The following ZPBP variants were observed in gnomAD, a reference collection of about 807,000 sequenced individuals.
ZPBP encodes zona pellucida binding protein.
Under a neutral mutation model 44.8 loss-of-function variants are expected in ZPBP, and 26 were observed. The observed-to-expected ratio is 0.58, with a 90% CI of 0.43 to 0.81. ZPBP has a LOEUF of 0.81. ZPBP is among the 30% of genes least tolerant of loss of function. ZPBP has a pLI of 0.00. For synonymous variants in ZPBP, 174 were observed against 153.2 expected, an observed-to-expected ratio of 1.14 and a Z score of -1.00; for missense variants, 409 against 434.0, an observed-to-expected ratio of 0.94 and a Z score of 0.51.
At chr7:50,019,364 T>C (rs1388597316) in intron 5 of ZPBP, among the ~76,000 whole-genome samples, 2 of 152,136 alleles carry the variant, frequency 1.3e-5, no homozygotes, top group Non-Finnish European at 2.9e-5. Context: ...ACACCAATAA[T>C]TTTTCATGGG....
intron 2 of ZPBP, among the ~76,000 whole-genome samples, chr7:49,888,063 G>A (rs1791973767): frequency 6.6e-6 from 1 of 152,196 alleles, no homozygotes; most frequent in Admixed American, 6.5e-5. Flanking sequence ...AATTGATCAT[G>A]TACATCTCTG....
At chr7:49,952,266 T>C (rs1308531753) in intron 7 of ZPBP, among the ~76,000 whole-genome samples, 1 of 151,962 alleles carries the variant, frequency 6.6e-6, no homozygotes, top group African/African-American at 2.4e-5. Flanking sequence ...GTTTGATCTG[T>C]GGACCAATAT....
intron 1 of ZPBP, among the ~76,000 whole-genome samples, chr7:49,911,480 CAAAAA>C (rs34782644): frequency 2.8e-5 from 2 of 71,630 alleles, no homozygotes; most frequent in Non-Finnish European, 4.9e-5. Flanking sequence ...GACTCTGTCT[CAAAAA>C]AAAAAAAAAA....
chr7:50,086,997 A>T (rs914471504), intron 2 of ZPBP, among the ~76,000 whole-genome samples: 1 of 152,094 alleles, frequency 6.6e-6, no homozygotes, highest in African/African-American at 2.4e-5. Context: ...TCTCATAAAA[A>T]GTCATAATGA....
At chr7:49,875,997 A>G in intron 2 of ZPBP, among the ~76,000 whole-genome samples, 1 of 152,142 alleles carries the variant, frequency 6.6e-6, no homozygotes, top group East Asian at 1.9e-4. Flanking sequence ...CTTATTCTGT[A>G]CTGTGAATAT....
intron 4 of ZPBP, among the ~76,000 whole-genome samples, chr7:50,057,615 T>C (rs1445194881): frequency 6.6e-6 from 1 of 152,202 alleles, no homozygotes; most frequent in Non-Finnish European, 1.5e-5. Flanking sequence ...ATAGTGGTGT[T>C]TCACGCTCCT....
intron 1 of ZPBP, among the ~76,000 whole-genome samples, chr7:49,902,761 C>T (rs980402950): frequency 2.6e-5 from 4 of 151,916 alleles, no homozygotes; most frequent in Non-Finnish European, 4.4e-5. Flanking sequence ...TGCATTTGAT[C>T]GCATTGAAAT....
intron 2 of ZPBP, among the ~76,000 whole-genome samples, chr7:49,872,788 C>T (rs1791220542): frequency 6.8e-6 from 1 of 147,714 alleles, no homozygotes; most frequent in African/African-American, 2.5e-5. Flanking sequence ...TGGTGGCACA[C>T]ACCTGTAATC....
chr7:49,895,371 G>T (rs1792332354), intron 2 of ZPBP, among the ~76,000 whole-genome samples: 2 of 152,096 alleles, frequency 1.3e-5, no homozygotes, highest in Non-Finnish European at 2.9e-5. Flanking sequence ...ATTCCAGGGG[G>T]ACACCAATAT....
chr7:50,048,587 T>C (rs751526381), intron 4 of ZPBP, among the ~76,000 whole-genome samples: 2 of 151,810 alleles, frequency 1.3e-5, no homozygotes, highest in Non-Finnish European at 2.9e-5. Context: ...AAATAATCAA[T>C]AGATCAAAGA....
At position 50,066,008 on chromosome 7, in the gene ZPBP, T is replaced by C. The variant is rs186616975; in HGVS notation, c.335-7867A>G. On this transcript the variant is annotated intron_variant, in intron 3 of 7. Coordinates refer to ENST00000046087, the MANE Select transcript of ZPBP (RefSeq NM_007009.3). ...ACATACTACTTAGTAGAGCAGTCTT[T>C]CCTGAATATAAGTGTTGGAGCTGTG... is the stretch of plus-strand genomic sequence containing the variant. Among the ~76,000 whole-genome samples, 2 of 151,304 alleles carry C rather than the reference T, an allele frequency of 1.3e-5. 1 individual carries two copies. The highest frequency in any genetic ancestry group is 4.9e-5 in the African/African-American group (2 of 41,012).
chr7:49,987,735 TG>T (rs1797367568), intron 6 of ZPBP, among the ~76,000 whole-genome samples: 1 of 25,818 alleles, frequency 3.9e-5, no homozygotes, highest in Admixed American at 5.3e-4. Context: ...GTGTTGTGTG[TG>T]TGTGTGTGTG....
chr7:49,966,156 C>T (rs1376147731), intron 7 of ZPBP, among the ~76,000 whole-genome samples: 2 of 152,094 alleles, frequency 1.3e-5, no homozygotes, highest in African/African-American at 2.4e-5. Flanking sequence ...GAGAAACAGA[C>T]ACTTCCATAA....
intron 2 of ZPBP, among the ~76,000 whole-genome samples, chr7:49,862,142 C>A (rs1209485239): frequency 6.6e-6 from 1 of 152,100 alleles, no homozygotes; most frequent in African/African-American, 2.4e-5. Context: ...TTTGTGTTTT[C>A]TTTAATTTCT....
At chr7:50,072,723 C>T (rs1783928278) in intron 3 of ZPBP, among the ~76,000 whole-genome samples, 1 of 152,260 alleles carries the variant, frequency 6.6e-6, no homozygotes. Flanking sequence ...GGATCTGGTA[C>T]AAGACCATCA....
chr7:49,897,703 G>T (rs1727885739), intron 2 of ZPBP, among the ~76,000 whole-genome samples: 1 of 152,152 alleles, frequency 6.6e-6, no homozygotes. Flanking sequence ...AAGCTCCATG[G>T]GAACCAGTAT....
chr7:49,877,646 A>G (rs1791496162), intron 2 of ZPBP, among the ~76,000 whole-genome samples: 1 of 148,836 alleles, frequency 6.7e-6, no homozygotes. Flanking sequence ...TTATCTGATG[A>G]TGATTTACCT....
chr7:49,991,206 T>C lies in ZPBP; in HGVS notation c.784-7687A>G, dbSNP rs373445205. ...GTGAATTTTTGTAGGAAAGGGATTATTTTGATGCTCAGAATGCAAATAAGA... is the reference window on the plus strand; with the variant it reads ...GTGAATTTTTGTAGGAAAGGGATTACTTTGATGCTCAGAATGCAAATAAGA... On this transcript the variant is annotated intron_variant, in intron 6 of 7. Coordinates refer to ENST00000046087, the MANE Select transcript of ZPBP (RefSeq NM_007009.3). Among the ~76,000 whole-genome samples, 93 of 152,260 alleles carry C rather than the reference T, an allele frequency of 6.1e-4. 1 individual carries two copies. Among genetic ancestry groups the C allele is most frequent in the African/African-American group, 2.0e-3 (82 of 41,570 alleles).
intron 4 of ZPBP, among the ~76,000 whole-genome samples, chr7:50,043,627 C>T (rs1039395428): frequency 2.0e-5 from 3 of 152,188 alleles, no homozygotes; most frequent in Non-Finnish European, 4.4e-5. Context: ...GAAGAGCTAA[C>T]TATCCTAAAT....
Sources: allele counts gnomAD v4.1 joint callset (sites outside exome capture counted in the v4.1 genomes callset), GRCh38; gene constraint gnomAD v4.1.1; transcripts MANE v1.5; gene names NCBI Gene and HGNC (gene_info 2026-07-23, HGNC 2026-07-21).